Variants in PCDHGA2 observed in about 807,000 individuals in gnomAD.
The protein encoded by PCDHGA2 is protocadherin gamma-A2.
A neutral mutation model predicts 59.2 loss-of-function variants in PCDHGA2; 40 were observed. The observed-to-expected ratio is 0.68, with a 90% confidence interval of 0.52 to 0.88. The LOEUF (loss-of-function observed/expected upper bound fraction) is 0.88, where lower values mean the gene tolerates loss of function less well. PCDHGA2 is among the 40% of genes least tolerant of loss of function. The pLI is 0.00. For missense variants in PCDHGA2, 1,226 were observed against 1,204.0 expected (o/e 1.02, Z -0.27); for synonymous variants, 560 against 526.0 (o/e 1.06, Z -0.89).
chr5:141,478,290 A>G, intron 1 of PCDHGA2: 1 of 1,614,056 alleles, frequency 6.2e-7, no homozygotes, highest in South Asian at 1.1e-5. Flanking sequence ...CAGTCTAGAG[A>G]CCTATACCGA....
Position 141,489,492 on chromosome 5 carries a change from G to C in PCDHGA2, c.2425-5315G>C. On this transcript the variant is annotated intron_variant, in intron 1 of 3. Coordinates refer to ENST00000394576, the MANE Select transcript of PCDHGA2 (RefSeq NM_018915.4). This position sits in a 1 kb window ranked among gnomAD's most constrained non-coding sequence, Gnocchi z 4.5. The stretch of plus-strand genomic sequence containing the variant: ...CCCTGAGCTTGATGAGTGGTGCCCT[G>C]GCAGTGAATCAAAAGATTGACCGAG... The C allele has an allele frequency of 6.2e-7, 1 of 1,614,042 alleles. No homozygotes were observed. The highest frequency in any genetic ancestry group is 8.5e-7 in the Non-Finnish European group (1 of 1,180,034).
chr5:141,373,423 T>G (rs992122154), intron 1 of PCDHGA2, among the ~76,000 whole-genome samples: 1 of 152,214 alleles, frequency 6.6e-6, no homozygotes, highest in Non-Finnish European at 1.5e-5. Flanking sequence ...CTCGGGAGGC[T>G]GAGGTGGGAG....
In PCDHGA2 at chr5:141,476,218, C is replaced by G. The variant is rs1562052166; in HGVS notation, c.2425-18589C>G. On this transcript the variant is annotated intron_variant, in intron 1 of 3. Transcript: ENST00000394576. The surrounding 1 kb of genome is among the most constrained non-coding windows in gnomAD (Gnocchi z 7.6). ...TGAACAAGGCTTCCACGGTCATTCA[C>G]TATGAGATCCCGGAGGAAAGAGAGA... is the stretch of plus-strand genomic sequence containing the variant. 1 of 1,613,984 alleles carries G rather than the reference C, an allele frequency of 6.2e-7. No homozygotes were observed.
At position 141,486,481 on chromosome 5, in the gene PCDHGA2, T is replaced by C. The variant is rs1562112794; in HGVS notation, c.2425-8326T>C. 1 of 1,614,036 alleles carries C rather than the reference T, an allele frequency of 6.2e-7. No individual in the cohort carries two copies. The highest frequency in any genetic ancestry group is 8.5e-7 in the Non-Finnish European group (1 of 1,179,976). Reference sequence around the variant, plus strand: ...CTGATGCTGGGAACCCTCCTCTCAGTACCCACAGAACTATTTTCCTCAATA... The same window carrying C: ...CTGATGCTGGGAACCCTCCTCTCAGCACCCACAGAACTATTTTCCTCAATA... On this transcript the variant is annotated intron_variant, in intron 1 of 3. Coordinates refer to ENST00000394576, the MANE Select transcript of PCDHGA2 (RefSeq NM_018915.4). This position sits in a 1 kb window ranked among gnomAD's most constrained non-coding sequence, Gnocchi z 5.0.
intron 1 of PCDHGA2, chr5:141,405,323 T>C (rs1420760439): frequency 6.2e-7 from 1 of 1,614,220 alleles, no homozygotes; most frequent in Non-Finnish European, 8.5e-7. Context: ...AAATGAGCCT[T>C]TGTGCGTCTC....
At chr5:141,442,202 G>A (rs1033563159) in intron 1 of PCDHGA2, 2 of 153,258 alleles carry the variant, frequency 1.3e-5, no homozygotes, top group African/African-American at 4.8e-5. Context: ...TTTATATCTG[G>A]TGATTGCCTT....
rs762232178 is a variant in PCDHGA2 at position 141,355,403 on chromosome 5, C to G, written c.2424+14008C>G. 45 of 1,613,938 alleles carry G rather than the reference C, an allele frequency of 2.8e-5. No homozygotes were observed. Among genetic ancestry groups the G allele is most frequent in the Non-Finnish European group, 3.6e-5 (43 of 1,179,932 alleles). On this transcript the variant is annotated intron_variant, in intron 1 of 3. Transcript: ENST00000394576. ...GCGGAGCGCGGAGTCCGCATCGTCT[C>G]CAGAGGTAGGACGCAGCTTTTCGCC...
Position 141,485,967 on chromosome 5 carries a change from A to G in PCDHGA2, c.2425-8840A>G, listed in dbSNP as rs751904053. 2.5e-6 allele frequency: 4 copies of G among 1,614,194 alleles called. No individual in the cohort carries two copies. The South Asian group carries it at 4.4e-5, about 18-fold the overall frequency. On this transcript the variant is annotated intron_variant, in intron 1 of 3. Transcript: ENST00000394576. This position sits in a 1 kb window ranked among gnomAD's most constrained non-coding sequence, Gnocchi z 5.7. The stretch of plus-strand genomic sequence containing the variant: ...GCGGGCATGGTGCTCATCCAGCTCA[A>G]TGCCTCAGACCCGGACCTGGGTCCC...
Position 141,485,950 on chromosome 5 carries a change from G to A in PCDHGA2, c.2425-8857G>A. ...TGTTGGAGAGCGCACCAGCGGGCAT[G>A]GTGCTCATCCAGCTCAATGCCTCAG... On this transcript the variant is annotated intron_variant, in intron 1 of 3. Transcript: ENST00000394576. The surrounding 1 kb of genome is among the most constrained non-coding windows in gnomAD (Gnocchi z 5.7). 6.2e-7 allele frequency: 1 copy of A among 1,614,184 alleles called. No individual in the cohort carries two copies. The highest frequency in any genetic ancestry group is 8.5e-7 in the Non-Finnish European group (1 of 1,180,030).
chr5:141,472,542 G>GA (rs904556404), intron 1 of PCDHGA2, among the ~76,000 whole-genome samples: 21 of 147,124 alleles, frequency 1.4e-4, no homozygotes, highest in Admixed American at 7.4e-4. Flanking sequence ...ACCATCTCAA[G>GA]AAAAAAAAAA....
chr5:141,421,404 G>A, intron 1 of PCDHGA2: 17 of 1,614,080 alleles, frequency 1.1e-5, no homozygotes, highest in Non-Finnish European at 1.4e-5. Flanking sequence ...AGCCCCGGGA[G>A]CTGGCGAAGC....
chr5:141,370,343 T>G (rs1460750317), intron 1 of PCDHGA2: 1 of 1,482,818 alleles, frequency 6.7e-7, no homozygotes, highest in African/African-American at 1.4e-5. Context: ...CTTGGGATTA[T>G]TTAAAGATCT....
chr5:141,415,744 T>TTTTTG, intron 1 of PCDHGA2: 1 of 404,416 alleles, frequency 2.5e-6, no homozygotes, highest in Non-Finnish European at 3.0e-6. Context: ...ATTAAGGTTT[T>TTTTTG]TTTTTTTTTT....
chr5:141,384,186 TC>T (rs1369721575), intron 1 of PCDHGA2: 3 of 1,613,730 alleles, frequency 1.9e-6, no homozygotes, highest in Admixed American at 1.7e-5. Flanking sequence ...ATGGTGGAAC[TC>T]CTCCCTTGTC....
intron 1 of PCDHGA2, among the ~76,000 whole-genome samples, chr5:141,466,063 A>G (rs554503713): frequency 3.3e-5 from 5 of 152,268 alleles, no homozygotes; most frequent in Admixed American, 6.5e-5. Context: ...CGGAGCTTGC[A>G]GTGAGCTGAT....
At chr5:141,399,597 C>A in intron 1 of PCDHGA2, 3 of 1,613,958 alleles carry the variant, frequency 1.9e-6, no homozygotes, top group Non-Finnish European at 2.5e-6. Context: ...TCATGGCCAG[C>A]GACCTAGAGC....
At chr5:141,361,241 T>A in intron 1 of PCDHGA2, 2 of 1,613,960 alleles carry the variant, frequency 1.2e-6, no homozygotes, top group Non-Finnish European at 1.7e-6. Flanking sequence ...ATCGCCTTGA[T>A]AAAAACGAGA....
At chr5:141,414,310 G>A in intron 1 of PCDHGA2, 1 of 1,613,722 alleles carries the variant, frequency 6.2e-7, no homozygotes, top group South Asian at 1.1e-5. Context: ...GCATGATTTA[G>A]ACTCTGAGCA....
intron 2 of PCDHGA2, among the ~76,000 whole-genome samples, chr5:141,499,445 C>A (rs904360147): frequency 1.3e-5 from 2 of 152,062 alleles, no homozygotes; most frequent in African/African-American, 4.8e-5. Flanking sequence ...AAAGGAAAAC[C>A]ACCCATCATT....
Sources: allele counts gnomAD v4.1 joint callset (sites outside exome capture counted in the v4.1 genomes callset), GRCh38; gene constraint gnomAD v4.1.1; non-coding constraint Gnocchi (gnomAD v3.1); transcripts MANE v1.5; gene names NCBI Gene and HGNC (gene_info 2026-07-23, HGNC 2026-07-21).